Variants in HERC1 observed in about 807,000 individuals in gnomAD.
The protein encoded by HERC1 is probable E3 ubiquitin-protein ligase HERC1.
In HERC1, 160 loss-of-function variants were observed where a neutral mutation model predicts 554.3. The ratio of observed to expected loss-of-function variants is 0.29; its 90% CI spans 0.25 to 0.33. The LOEUF (loss-of-function observed/expected upper bound fraction) is 0.33, where lower values mean the gene tolerates loss of function less well. Ranked by LOEUF, HERC1 falls within the 10% of genes least tolerant of loss-of-function variation. The probability of loss-of-function intolerance (pLI) is 1.00; values close to 1 mark genes in which losing one functional copy is unlikely to be tolerated. For missense variants in HERC1, 4,919 were observed against 5,918.5 expected (o/e 0.83, Z 5.54); for synonymous variants, 2,175 against 2,131.7 (o/e 1.02, Z -0.56).
intron 2 of HERC1, among the ~76,000 whole-genome samples, chr15:63,773,664 C>G (rs929055675): frequency 6.6e-6 from 1 of 151,636 alleles, no homozygotes; most frequent in Non-Finnish European, 1.5e-5. Context: ...CTGCCTCAGC[C>G]TCCCAAGTAG....
chr15:63,646,440 A>G (rs2069342710), intron 55 of HERC1, among the ~76,000 whole-genome samples: 2 of 152,126 alleles, frequency 1.3e-5, no homozygotes, highest in Admixed American at 6.6e-5. Context: ...ACATTAAGTC[A>G]TAAGTGACTG....
intron 3 of HERC1, among the ~76,000 whole-genome samples, chr15:63,761,947 A>G (rs986147215): frequency 1.3e-5 from 2 of 152,230 alleles, no homozygotes; most frequent in African/African-American, 4.8e-5. Context: ...AAACACATGT[A>G]TACACATCCT....
intron 27 of HERC1, among the ~76,000 whole-genome samples, chr15:63,695,443 T>G (rs1175504293): frequency 6.8e-6 from 1 of 147,078 alleles, no homozygotes; most frequent in Non-Finnish European, 1.5e-5. Flanking sequence ...TGGAGTGTAG[T>G]GGGGTGATCT....
In HERC1 at chr15:63,654,444, C is replaced by T. The variant is rs191713296; in HGVS notation, c.10085-120G>A. 5.2e-5 allele frequency: 36 copies of T among 698,118 alleles called. No homozygotes were observed. In the East Asian group the frequency reaches 9.0e-4, roughly 18 times the overall value. 43.2% of individuals were successfully genotyped at this position (698,118 alleles called of 1,614,324 possible). ...GGTGGTGAACAAGCAAATGGGTTAA[C>T]CCATATCTTTTAAGAATTGGCACTT... On this transcript the variant is annotated intron_variant, in intron 50 of 77. Transcript: ENST00000443617.
rs776622954 is a variant in HERC1, at chr15:63,706,811, A to G, written c.4605T>C (p.Asp1535=). The G allele has an allele frequency of 3.2e-6, 5 of 1,544,340 alleles. No individual in the cohort carries two copies. The highest frequency in any genetic ancestry group is 4.4e-6 in the Non-Finnish European group (5 of 1,141,162). Reference sequence around the variant, plus strand: ...TTCTGTGAGATGCTGCCAAATCCAAATCAACATTTCGTCTGCCACTCTATT... The same window carrying G: ...TTCTGTGAGATGCTGCCAAATCCAAGTCAACATTTCGTCTGCCACTCTATT... ...GYALSGRRNV[D]LDLAASHRKR... is the part of the protein sequence containing the mutation. Residue 1535 remains aspartate (D), a synonymous_variant, in exon 25 of 78, where the codon GAT becomes GAC. Coordinates refer to ENST00000443617, the MANE Select transcript of HERC1 (RefSeq NM_003922.4).
chr15:63,676,285 A>G (rs2071201688), intron 37 of HERC1, among the ~76,000 whole-genome samples: 1 of 152,210 alleles, frequency 6.6e-6, no homozygotes, highest in Admixed American at 6.5e-5. Flanking sequence ...CTTGCATGTC[A>G]TTCTGTAAAG....
At chr15:63,648,243 G>A in intron 54 of HERC1, 44 bp from the exon 55 acceptor site, 2 of 1,542,196 alleles carry the variant, frequency 1.3e-6, no homozygotes, top group South Asian at 2.4e-5. Flanking sequence ...ATAATTATTT[G>A]TCATTGTCTG....
chr15:63,775,163 G>C lies in HERC1; in HGVS notation c.461C>G (p.Thr154Ser), dbSNP rs1253769666. The C allele has an allele frequency of 6.2e-7, 1 of 1,614,038 alleles. No homozygotes were observed. Among genetic ancestry groups the C allele is most frequent in the South Asian group, 1.1e-5 (1 of 91,084 alleles). Reference sequence around the variant, plus strand: ...AACACCCATTTCTATAAGTGCATCAGTGCTTGACCGGGGGCGTTCACTAAC... The same window carrying C: ...AACACCCATTTCTATAAGTGCATCACTGCTTGACCGGGGGCGTTCACTAAC... The part of the protein sequence containing the change: ...HSVSERPRSS[T>S]DALIEMGVRT... Residue 154 changes from threonine to serine, a missense_variant, in exon 2 of 78, where the codon ACT becomes AGT. This residue lies in a region of HERC1 where 744 missense variants were observed against 1,090.0 expected (regional missense o/e 0.68). Coordinates refer to ENST00000443617, the MANE Select transcript of HERC1 (RefSeq NM_003922.4). The surrounding 1 kb of genome is among the most constrained non-coding windows in gnomAD (Gnocchi z 4.0).
chr15:63,759,052 T>C (rs1258530057), intron 3 of HERC1, among the ~76,000 whole-genome samples: 1 of 152,152 alleles, frequency 6.6e-6, no homozygotes, highest in Admixed American at 6.6e-5. Flanking sequence ...TAATAGGGCA[T>C]TTAGAGTCTA....
intron 46 of HERC1, 41 bp downstream of exon 46, chr15:63,660,932 A>G (rs1218499592): frequency 8.1e-7 from 1 of 1,240,526 alleles, no homozygotes; most frequent in Admixed American, 1.7e-5. Flanking sequence ...GAGGATATAT[A>G]AAAAAACATG....
chr15:63,658,580 G>T lies in HERC1; in HGVS notation c.9563C>A (p.Thr3188Asn). Reference sequence around the variant, plus strand: ...AAGAGACAGCGCTCTCATGACCATGGTTCTGGCCAGAAGAACCTGAGCAGC... The same window carrying T: ...AAGAGACAGCGCTCTCATGACCATGTTTCTGGCCAGAAGAACCTGAGCAGC... ...TAAAQVLLAR[T>N]MVMRALSLLS... is the part of the protein sequence containing the mutation. Residue 3188 changes from threonine to asparagine, a missense_variant, in exon 48 of 78, where the codon ACC (threonine) becomes AAC (asparagine). Around this residue, in one of 11 missense-constraint regions of HERC1, gnomAD observed 1,963 missense variants for 2,228.6 expected, o/e 0.88. Transcript: ENST00000443617. 6.2e-7 allele frequency: 1 copy of T among 1,613,620 alleles called. No homozygotes were observed. The highest frequency in any genetic ancestry group is 8.5e-7 in the Non-Finnish European group (1 of 1,179,642).
chr15:63,624,791 A>G (rs1478097977), intron 71 of HERC1, among the ~76,000 whole-genome samples: 1 of 152,210 alleles, frequency 6.6e-6, no homozygotes, highest in South Asian at 2.1e-4. Flanking sequence ...TAACCTTTAA[A>G]TTTTTCTTCT....
intron 1 of HERC1, among the ~76,000 whole-genome samples, chr15:63,826,220 A>C (rs1324133161): frequency 6.6e-6 from 1 of 152,168 alleles, no homozygotes. Flanking sequence ...TTGTTACCCT[A>C]AAAGATGGGG....
chr15:63,796,701 A>G (rs1035606380), intron 1 of HERC1, among the ~76,000 whole-genome samples: 23 of 152,252 alleles, frequency 1.5e-4, no homozygotes, highest in Non-Finnish European at 2.9e-4. Context: ...GATTCAGTCC[A>G]GAAAGGCTGG....
At chr15:63,702,050 T>G (rs2072748868) in intron 25 of HERC1, among the ~76,000 whole-genome samples, 2 of 152,182 alleles carry the variant, frequency 1.3e-5, no homozygotes, top group Non-Finnish European at 2.9e-5. Context: ...AATGGAATTT[T>G]CAAAATGAAC....
intron 1 of HERC1, among the ~76,000 whole-genome samples, chr15:63,831,235 T>C (rs891041171): frequency 2.6e-5 from 4 of 152,078 alleles, no homozygotes; most frequent in African/African-American, 7.2e-5. Context: ...GCCTCCCTAA[T>C]AGCAGGAATT....
At chr15:63,757,059 GT>G (rs1239974061) in intron 4 of HERC1, among the ~76,000 whole-genome samples, 2 of 151,696 alleles carry the variant, frequency 1.3e-5, no homozygotes, top group African/African-American at 4.8e-5. Flanking sequence ...AAGACATAAA[GT>G]TTTCCTTCCT....
Position 63,698,951 on chromosome 15 carries a change from C to T in HERC1, c.4682G>A (p.Arg1561His), listed in dbSNP as rs759472880. The change falls in exon 26 of 78, where the codon CGC becomes CAC. Residue 1561 changes from arginine (R) to histidine (H), a missense_variant. This residue lies in a region of HERC1 where 1,121 missense variants were observed against 1,244.0 expected (regional missense o/e 0.90). Coordinates refer to ENST00000443617, the MANE Select transcript of HERC1 (RefSeq NM_003922.4). ...TAACCAGTCTCTGCTATGTTTCAGGCGAGCCCAAGAGTCACTCAGGGATTC... is the reference window on the plus strand; with the variant it reads ...TAACCAGTCTCTGCTATGTTTCAGGTGAGCCCAAGAGTCACTCAGGGATTC... ...QLESLSDSWA[R>H]LKHSRDWLCN... 41 of 1,613,504 alleles carry T rather than the reference C, an allele frequency of 2.5e-5. No individual in the cohort carries two copies. The highest frequency in any genetic ancestry group is 4.0e-5 in the African/African-American group (3 of 74,894).
chr15:63,662,053 G>A, intron 44 of HERC1, 32 bp from the exon 45 acceptor site: 2 of 1,591,714 alleles, frequency 1.3e-6, no homozygotes, highest in Non-Finnish European at 1.7e-6. Flanking sequence ...CAAATGATTA[G>A]TCAATTTAAC....
Sources: allele counts gnomAD v4.1 joint callset (sites outside exome capture counted in the v4.1 genomes callset), GRCh38; gene constraint gnomAD v4.1.1; regional missense constraint gnomAD v4.1.1; non-coding constraint Gnocchi (gnomAD v3.1); transcripts MANE v1.5; gene names NCBI Gene and HGNC (gene_info 2026-07-23, HGNC 2026-07-21).